PCDH15: variants seen among roughly 807,000 people sequenced by gnomAD.
The protein encoded by PCDH15 is protocadherin related 15.
In PCDH15, 129 loss-of-function variants were observed where a neutral mutation model predicts 178.5. The observed-to-expected ratio is 0.72, with a 90% CI of 0.63 to 0.84. The LOEUF (loss-of-function observed/expected upper bound fraction) is 0.84. Among genes scored for constraint, PCDH15 ranks in the 40% least tolerant of loss-of-function variants. The pLI, the probability that PCDH15 is intolerant of heterozygous loss-of-function variation, is 0.00. For missense variants in PCDH15, 2,230 were observed against 2,099.9 expected (o/e 1.06, Z -1.21); for synonymous variants, 800 against 732.0 (o/e 1.09, Z -1.50).
rs777904493 is a variant in PCDH15 at position 54,369,102 on chromosome 10, G to T, written c.474+18C>A. The stretch of plus-strand genomic sequence containing the variant: ...TATATCAACAGAAAGGACAGAGAGA[G>T]AGTAAATAGAAACTGACCTCATTCA... On this transcript the variant is annotated intron_variant, in intron 5 of 37. Transcript: ENST00000644397. 2 of 1,611,702 alleles carry T rather than the reference G, an allele frequency of 1.2e-6. No homozygotes were observed. The highest frequency in any genetic ancestry group is 1.7e-6 in the Non-Finnish European group (2 of 1,178,438).
At chr10:55,158,537 G>A (rs1053152948) in intron 2 of PCDH15, among the ~76,000 whole-genome samples, 1 of 152,006 alleles carries the variant, frequency 6.6e-6, no homozygotes, top group African/African-American at 2.4e-5. Context: ...TCTAGTTGTG[G>A]TATGAACCTC....
At chr10:55,189,469 T>A (rs1178437589) in intron 1 of PCDH15, among the ~76,000 whole-genome samples, 1 of 151,790 alleles carries the variant, frequency 6.6e-6, no homozygotes, top group Non-Finnish European at 1.5e-5. Context: ...TTAAATAACC[T>A]CATGTTTTTG....
At chr10:54,797,835 A>G (rs1281373463) in intron 1 of PCDH15, among the ~76,000 whole-genome samples, 1 of 151,880 alleles carries the variant, frequency 6.6e-6, no homozygotes, top group East Asian at 2.0e-4. Context: ...CATCTTACTC[A>G]GCGTGACTGA....
intron 2 of PCDH15, among the ~76,000 whole-genome samples, chr10:54,655,245 A>C (rs576500271): frequency 3.1e-5 from 3 of 95,388 alleles, no homozygotes; most frequent in African/African-American, 4.6e-5. Flanking sequence ...AGGGAAAGAA[A>C]GAAAGAAAGA....
chr10:54,358,694 G>A lies in PCDH15; in HGVS notation c.474+10426C>T, dbSNP rs1353066028. 5.3e-5 allele frequency among the ~76,000 whole-genome samples: 8 copies of A among 152,122 alleles called. No individual in the cohort carries two copies. In the East Asian group the frequency reaches 7.8e-4, roughly 15 times the overall value. On this transcript the variant is annotated intron_variant, in intron 5 of 37. Transcript: ENST00000644397. ...CCAAAGGACTAGAAATCATGCTGCT[G>A]TAAAGACACATGCACATGTATGTTT...
At chr10:54,868,126 GA>G (rs565315644) in intron 3 of PCDH15, among the ~76,000 whole-genome samples, 115 of 152,162 alleles carry the variant, frequency 7.6e-4, no homozygotes, top group African/African-American at 2.7e-3. Flanking sequence ...AGCTGAGGGG[GA>G]AACGGTTATA....
chr10:55,574,019 C>T (rs753557837), intron 2 of PCDH15, among the ~76,000 whole-genome samples: 83 of 151,880 alleles, frequency 5.5e-4, no homozygotes, highest in Middle Eastern at 6.8e-3. Context: ...GAAATTTATT[C>T]TTGGTTTTAT....
chr10:55,380,967 C>T (rs1837520067), intron 2 of PCDH15, among the ~76,000 whole-genome samples: 1 of 152,132 alleles, frequency 6.6e-6, no homozygotes. Flanking sequence ...TAAAGAGCCT[C>T]TTTGGGATAA....
At chr10:53,902,991 C>T (rs1384089851) in intron 26 of PCDH15, among the ~76,000 whole-genome samples, 3 of 152,092 alleles carry the variant, frequency 2.0e-5, no homozygotes, top group Non-Finnish European at 4.4e-5. Context: ...TACATTTCAA[C>T]ATCTTATTCA....
Position 53,831,419 on chromosome 10 carries a change from T to C in PCDH15, c.4098A>G (p.Arg1366=). The C allele has an allele frequency of 1.2e-6, 2 of 1,614,088 alleles. No individual in the cohort carries two copies. The highest frequency in any genetic ancestry group is 2.2e-5 in the South Asian group (2 of 91,062). ...CTTCTGTGTATCCTAGACTTTCTCC[T>C]CTCTTTTTAATGCTGGTCACTGCCT... The part of the protein sequence containing the change: ...TPEAVTSIKK[R]GESLGYTEGA... The change falls in exon 30 of 38, where the codon AGA becomes AGG. Residue 1366 remains arginine (R), a synonymous_variant. Coordinates refer to ENST00000644397, the MANE Select transcript of PCDH15 (RefSeq NM_001384140.1).
At chr10:54,456,630 A>C (rs915934485) in intron 3 of PCDH15, among the ~76,000 whole-genome samples, 5 of 152,092 alleles carry the variant, frequency 3.3e-5, no homozygotes, top group Admixed American at 1.3e-4. Context: ...CTGTTGGAAG[A>C]GCATGATTGT....
At chr10:54,994,128 T>C (rs1258781493) in intron 2 of PCDH15, among the ~76,000 whole-genome samples, 1 of 152,178 alleles carries the variant, frequency 6.6e-6, no homozygotes, top group Non-Finnish European at 1.5e-5. Context: ...TAAAATTATG[T>C]AGCTTTTTAA....
In PCDH15 at chr10:53,811,580, A is replaced by G. The variant is rs2075866273; in HGVS notation, c.4531T>C (p.Tyr1511His). 1 of 1,571,742 alleles carries G rather than the reference A, an allele frequency of 6.4e-7. No individual in the cohort carries two copies. The highest frequency in any genetic ancestry group is 1.8e-5 in the Admixed American group (1 of 56,624). The change falls in exon 36 of 38, where the codon TAT becomes CAT. Residue 1511 changes from tyrosine to histidine, a missense_variant. Coordinates refer to ENST00000644397, the MANE Select transcript of PCDH15 (RefSeq NM_001384140.1). ...MESGIDPGQE[Y>H]GQDYYSYEHG... The stretch of plus-strand genomic sequence containing the variant: ...TCATAACTGTAATAATCTTGTCCAT[A>G]TTCCTGGCCAGGATCAATTCCAGAC...
intron 6 of PCDH15, among the ~76,000 whole-genome samples, chr10:54,332,043 T>C (rs1304266006): frequency 3.3e-5 from 5 of 150,944 alleles, no homozygotes; most frequent in Non-Finnish European, 7.4e-5. Context: ...TGGGGACTAT[T>C]GATAAAATTA....
intron 2 of PCDH15, among the ~76,000 whole-genome samples, chr10:55,389,231 A>G (rs1837734261): frequency 6.6e-6 from 1 of 152,048 alleles, no homozygotes; most frequent in African/African-American, 2.4e-5. Flanking sequence ...GTGTGAGAAG[A>G]GGGAAGAAGT....
chr10:54,482,006 C>G (rs964755611), intron 3 of PCDH15, among the ~76,000 whole-genome samples: 5 of 151,680 alleles, frequency 3.3e-5, no homozygotes, highest in Non-Finnish European at 7.4e-5. Context: ...GACCTGACTT[C>G]AAATCTCATA....
At chr10:54,178,865 G>A (rs1205436379) in intron 13 of PCDH15, among the ~76,000 whole-genome samples, 3 of 152,098 alleles carry the variant, frequency 2.0e-5, no homozygotes, top group Non-Finnish European at 4.4e-5. Flanking sequence ...AAACCACAAT[G>A]AGATACCATC....
intron 2 of PCDH15, among the ~76,000 whole-genome samples, chr10:55,554,773 C>T (rs1472483262): frequency 1.3e-5 from 2 of 152,062 alleles, no homozygotes; most frequent in African/African-American, 4.8e-5. Flanking sequence ...TTTTGATTTC[C>T]TTAGTTTCTA....
chr10:54,097,435 T>C (rs1406156732), intron 15 of PCDH15, among the ~76,000 whole-genome samples: 2 of 152,192 alleles, frequency 1.3e-5, no homozygotes, highest in Non-Finnish European at 2.9e-5. Flanking sequence ...TCTCACCTTA[T>C]TCAACTATTT....
Sources: gnomAD v4.1 joint callset for allele counts (sites outside exome capture counted in the v4.1 genomes callset) on GRCh38, gnomAD v4.1.1 for gene constraint, MANE v1.5 for transcripts, NCBI Gene and HGNC (gene_info 2026-07-23, HGNC 2026-07-21) for gene names.